Variants in MACF1 observed in about 807,000 individuals in gnomAD.
MACF1 encodes microtubule actin crosslinking factor 1.
In MACF1, 193 loss-of-function variants were observed where a neutral mutation model predicts 854.8. The observed-to-expected ratio is 0.23, with a 90% CI of 0.20 to 0.25. The LOEUF (loss-of-function observed/expected upper bound fraction) is 0.25. Ranked by LOEUF, MACF1 falls within the 10% of genes least tolerant of loss-of-function variation. MACF1 has a pLI of 1.00. For synonymous variants in MACF1, 3,185 were observed against 3,226.7 expected, an observed-to-expected ratio of 0.99 and a Z score of 0.44; for missense variants, 7,722 against 8,929.1, an observed-to-expected ratio of 0.86 and a Z score of 5.45.
At chr1:39,348,606 C>T (rs1322457554) in intron 41 of MACF1, among the ~76,000 whole-genome samples, 1 of 151,992 alleles carries the variant, frequency 6.6e-6, no homozygotes, top group Non-Finnish European at 1.5e-5. Flanking sequence ...TTCTATTTGT[C>T]CTAAAGAGGG....
At position 39,409,217 on chromosome 1, in the gene MACF1, G is replaced by T. The variant is rs957895810; in HGVS notation, c.15817-13157G>T. On this transcript the variant is annotated intron_variant, in intron 58 of 100. Transcript: ENST00000564288. This position sits in a 1 kb window ranked among gnomAD's most constrained non-coding sequence, Gnocchi z 4.2. ...GTGACAGCTGCGGGCGGGGAGGACG[G>T]CGGGGCCGCGGGGCCAGCGGCGTGG... 3.9e-5 allele frequency among the ~76,000 whole-genome samples: 6 copies of T among 152,092 alleles called. No individual in the cohort carries two copies. The highest frequency in any genetic ancestry group is 1.4e-4 in the African/African-American group (6 of 41,528).
intron 2 of MACF1, among the ~76,000 whole-genome samples, chr1:39,149,123 G>A (rs749516408): frequency 3.3e-5 from 5 of 152,160 alleles, no homozygotes; most frequent in Admixed American, 6.5e-5. Context: ...CTTGAATGCC[G>A]GAGAGAGTGA....
chr1:39,162,790 G>A (rs1437135689), intron 2 of MACF1, among the ~76,000 whole-genome samples: 1 of 152,106 alleles, frequency 6.6e-6, no homozygotes, highest in Non-Finnish European at 1.5e-5. Context: ...GAGCCTGATA[G>A]ATGTTAGCGA....
chr1:39,179,495 C>G (rs1644075850), intron 2 of MACF1, among the ~76,000 whole-genome samples: 1 of 152,116 alleles, frequency 6.6e-6, no homozygotes. Context: ...CTCTGTAAGT[C>G]TTAGTTTCCT....
chr1:39,439,193 G>T, intron 71 of MACF1, 81 bp from the exon 72 acceptor site: 1 of 699,006 alleles, frequency 1.4e-6, no homozygotes, highest in South Asian at 1.9e-5. Context: ...GAAAAGGTCA[G>T]AGTTACATGG....
In MACF1 at chr1:39,219,498, G is replaced by A. The variant is rs77183766; in HGVS notation, c.110-11684G>A. ...ATACATAATAAACACAATAAATATC[G>A]AGCTCCACCTTATCTCCCAAAGTAG... On this transcript the variant is annotated intron_variant, in intron 1 of 100. Transcript: ENST00000564288. Among the ~76,000 whole-genome samples the A allele has an allele frequency of 4.1e-3, 628 of 152,206 alleles. 3 individuals are homozygous for A. Among genetic ancestry groups the A allele is most frequent in the Non-Finnish European group, 6.0e-3 (405 of 68,006 alleles).
At chr1:39,220,140 A>G (rs1330600473) in intron 1 of MACF1, among the ~76,000 whole-genome samples, 2 of 152,118 alleles carry the variant, frequency 1.3e-5, no homozygotes, top group Non-Finnish European at 2.9e-5. Flanking sequence ...ATATTTTTCA[A>G]TACCTATGGT....
intron 100 of MACF1, chr1:39,484,936 T>G (rs1645077161): frequency 3.2e-6 from 2 of 616,040 alleles, no homozygotes; most frequent in South Asian, 2.0e-5. Context: ...GATGAGATGC[T>G]TCCACAGCCA....
At chr1:39,325,268 A>G (rs1646587994) in intron 35 of MACF1, among the ~76,000 whole-genome samples, 3 of 152,242 alleles carry the variant, frequency 2.0e-5, no homozygotes, top group Admixed American at 1.3e-4. Flanking sequence ...TCAGAACCCA[A>G]GAAAGAACAG....
chr1:39,362,031 T>C (rs1314309070), intron 49 of MACF1, among the ~76,000 whole-genome samples: 2 of 152,166 alleles, frequency 1.3e-5, no homozygotes, highest in African/African-American at 4.8e-5. Context: ...ATTTTATTAG[T>C]CAAAGCACTT....
chr1:39,319,694 A>C lies in MACF1; in HGVS notation c.3976A>C (p.Thr1326Pro), dbSNP rs763275157. ...ALFAEIERNQ[T>P]KLDQCQKFSQ... The stretch of plus-strand genomic sequence containing the variant: ...ATTTGCAGAAATTGAGAGAAATCAG[A>C]CAAAACTGGATCAATGTCAAAAATT... Residue 1326 changes from threonine (T) to proline (P), a missense_variant, in exon 31 of 101, where the codon ACA becomes CCA. By Grantham distance (38) the Thr-to-Pro change is conservative. Transcript: ENST00000564288. 1 of 1,613,790 alleles carries C rather than the reference A, an allele frequency of 6.2e-7. No homozygotes were observed. The highest frequency in any genetic ancestry group is 8.5e-7 in the Non-Finnish European group (1 of 1,179,828).
Position 39,357,580 on chromosome 1 carries a change from A to G in MACF1, c.11630A>G (p.Asp3877Gly). 1 of 1,614,148 alleles carries G rather than the reference A, an allele frequency of 6.2e-7. No individual in the cohort carries two copies. The highest frequency in any genetic ancestry group is 8.5e-7 in the Non-Finnish European group (1 of 1,179,994). ...CTGAAGCAGGTGCAGACACTTCAGGATGAGTTGCAGAAATTTCTGCAGGAT... is the reference window on the plus strand; with the variant it reads ...CTGAAGCAGGTGCAGACACTTCAGGGTGAGTTGCAGAAATTTCTGCAGGAT... ...AELKQVQTLQ[D>G]ELQKFLQDHK... The change falls in exon 45 of 101, where the codon GAT (aspartate) becomes GGT (glycine). Residue 3877 changes from aspartate (D) to glycine (G), a missense_variant. Transcript: ENST00000564288.
chr1:39,332,636 T>C lies in MACF1; in HGVS notation c.6048T>C (p.Pro2016=), dbSNP rs754259386. ...VEIGHQRQKT[P]EGLQESANVK... Reference sequence around the variant, plus strand: ...TTGGGCATCAAAGGCAAAAAACTCCTGAGGGATTGCAAGAATCAGCTAATG... The same window carrying C: ...TTGGGCATCAAAGGCAAAAAACTCCCGAGGGATTGCAAGAATCAGCTAATG... Residue 2016 remains proline, a synonymous_variant, in exon 37 of 101, where the codon CCT becomes CCC. Coordinates refer to ENST00000564288, the MANE Select transcript of MACF1 (RefSeq NM_001394062.1). The C allele has an allele frequency of 6.2e-7, 1 of 1,614,176 alleles. No individual in the cohort carries two copies. The highest frequency in any genetic ancestry group is 2.2e-5 in the East Asian group (1 of 44,890).
intron 58 of MACF1, among the ~76,000 whole-genome samples, chr1:39,399,319 T>C (rs1642387078): frequency 6.6e-6 from 1 of 152,020 alleles, no homozygotes; most frequent in Non-Finnish European, 1.5e-5. Flanking sequence ...TCCTTATACA[T>C]TTTAGGTATT....
chr1:39,188,819 G>T (rs1287656357), intron 2 of MACF1, among the ~76,000 whole-genome samples: 1 of 152,058 alleles, frequency 6.6e-6, no homozygotes, highest in Admixed American at 6.6e-5. Context: ...GGCCAGGCTG[G>T]TCTCGAACTC....
In MACF1 at chr1:39,169,395, AGAC is replaced by A. The variant is rs1197894842; in HGVS notation, c.221-61786_221-61784del. Among the ~76,000 whole-genome samples, 3 of 152,324 alleles carry A rather than the reference AGAC, an allele frequency of 2.0e-5. No individual in the cohort carries two copies. The East Asian group carries it at 5.8e-4, about 29-fold the overall frequency. ...AGGATTGCTTGAGGTCAGGAGTCTGAGACCAGGCTAGGCAACATAGGGAAACTG... is the reference window on the plus strand; with the variant it reads ...AGGATTGCTTGAGGTCAGGAGTCTGACAGGCTAGGCAACATAGGGAAACTG... On this transcript the variant is annotated intron_variant, in intron 2 of 93. Coordinates refer to the MACF1 transcript ENST00000361689.
chr1:39,453,695 T>C lies in MACF1; in HGVS notation c.20743-12T>C. The C allele has an allele frequency of 3.1e-6, 5 of 1,613,446 alleles. No individual in the cohort carries two copies. The highest frequency in any genetic ancestry group is 4.2e-6 in the Non-Finnish European group (5 of 1,179,326). On this transcript the variant is annotated splice_polypyrimidine_tract_variant and intron_variant, in intron 87 of 100. Coordinates refer to ENST00000564288, the MANE Select transcript of MACF1 (RefSeq NM_001394062.1). ...CTTTTTACGTTTTTGTTTTCAAATC[T>C]TTTTTGTTTAGGAATTCATGAAGAA...
intron 58 of MACF1, chr1:39,412,644 G>A (rs370031086): frequency 8.1e-5 from 131 of 1,614,020 alleles, no homozygotes; most frequent in Admixed American, 1.0e-4. Context: ...CATCATCAGA[G>A]GGAGGGGAGA....
chr1:39,426,315 A>G (rs1335814577), intron 61 of MACF1, among the ~76,000 whole-genome samples: 1 of 152,146 alleles, frequency 6.6e-6, no homozygotes, highest in Non-Finnish European at 1.5e-5. Flanking sequence ...TTTTATTTAA[A>G]CCACTTCTTA....
Sources: allele counts gnomAD v4.1 joint callset (sites outside exome capture counted in the v4.1 genomes callset), GRCh38; gene constraint gnomAD v4.1.1; non-coding constraint Gnocchi (gnomAD v3.1); transcripts MANE v1.5; gene names NCBI Gene and HGNC (gene_info 2026-07-23, HGNC 2026-07-21).